The following PACSIN2 variants were observed in gnomAD, a reference collection of about 807,000 sequenced individuals.
PACSIN2 encodes protein kinase C and casein kinase substrate in neurons protein 2.
Under a neutral mutation model 63.8 loss-of-function variants are expected in PACSIN2, and 25 were observed. The observed-to-expected ratio is 0.39, with a 90% CI of 0.29 to 0.55. The LOEUF (loss-of-function observed/expected upper bound fraction) is 0.55, where lower values mean the gene tolerates loss of function less well. Ranked by LOEUF, PACSIN2 falls within the 20% of genes least tolerant of loss-of-function variation. The probability of loss-of-function intolerance (pLI) is 0.62; values close to 1 mark genes in which losing one functional copy is unlikely to be tolerated. For missense variants in PACSIN2, 518 were observed against 646.9 expected (o/e 0.80, Z 2.16); for synonymous variants, 255 against 256.2 (o/e 1.00, Z 0.05).
At chr22:42,927,226 T>C (rs1407199626) in intron 1 of PACSIN2, among the ~76,000 whole-genome samples, 1 of 151,746 alleles carries the variant, frequency 6.6e-6, no homozygotes, top group Non-Finnish European at 1.5e-5. Flanking sequence ...CATTTCTCCC[T>C]GTTGTCTGGG....
Position 42,901,241 on chromosome 22 carries a change from G to A in PACSIN2, c.61-7628C>T, listed in dbSNP as rs868402255. On this transcript the variant is annotated intron_variant, in intron 2 of 10. Transcript: ENST00000263246. Reference sequence around the variant, plus strand: ...CAGAAGAGCTCCTGGCGTACCCCTCGCCAGGCAAGCCCATGGAACCAGAGT... The same window carrying A: ...CAGAAGAGCTCCTGGCGTACCCCTCACCAGGCAAGCCCATGGAACCAGAGT... Among the ~76,000 whole-genome samples, 18 of 152,168 alleles carry A rather than the reference G, an allele frequency of 1.2e-4. No individual in the cohort carries two copies. The Middle Eastern group carries it at 0.014, about 115-fold the overall frequency.
At chr22:42,969,450 G>A (rs1400245283) in intron 1 of PACSIN2, among the ~76,000 whole-genome samples, 3 of 152,126 alleles carry the variant, frequency 2.0e-5, no homozygotes, top group Non-Finnish European at 4.4e-5. Flanking sequence ...ACTTAACACT[G>A]GTTTAGATGC....
intron 1 of PACSIN2, among the ~76,000 whole-genome samples, chr22:42,928,377 G>A (rs1261529115): frequency 1.3e-5 from 2 of 152,230 alleles, no homozygotes; most frequent in South Asian, 2.1e-4. Flanking sequence ...AAAAGAAGGT[G>A]TTCACATAAA....
chr22:42,910,406 C>T (rs1238389818), intron 2 of PACSIN2, among the ~76,000 whole-genome samples: 1 of 152,248 alleles, frequency 6.6e-6, no homozygotes, highest in Non-Finnish European at 1.5e-5. Context: ...CTCACAGCTG[C>T]TGCCAGCTCC....
chr22:43,014,373 C>G (rs1360915831), intron 1 of PACSIN2, among the ~76,000 whole-genome samples: 3 of 18,100 alleles, frequency 1.7e-4, no homozygotes, highest in African/African-American at 9.2e-4. Flanking sequence ...CACCACCCCC[C>G]CCCCCCCGGG....
chr22:43,011,141 G>A (rs1196766168), intron 1 of PACSIN2, among the ~76,000 whole-genome samples: 1 of 152,152 alleles, frequency 6.6e-6, no homozygotes, highest in African/African-American at 2.4e-5. Context: ...GGGCAGGGAC[G>A]AATGATACTT....
chr22:42,913,408 G>C (rs1245550326), intron 1 of PACSIN2, among the ~76,000 whole-genome samples: 2 of 151,544 alleles, frequency 1.3e-5, no homozygotes, highest in Admixed American at 6.6e-5. Flanking sequence ...GAACCTGGGA[G>C]GTGGAGGTTG....
chr22:42,909,863 A>G (rs940794942), intron 2 of PACSIN2, among the ~76,000 whole-genome samples: 4 of 152,174 alleles, frequency 2.6e-5, no homozygotes, highest in Non-Finnish European at 5.9e-5. Flanking sequence ...AATGAAGACA[A>G]TGTCGCCAAG....
chr22:42,987,889 C>A (rs1922747531), intron 1 of PACSIN2, among the ~76,000 whole-genome samples: 1 of 151,922 alleles, frequency 6.6e-6, no homozygotes, highest in African/African-American at 2.4e-5. Flanking sequence ...GTCTGTAATC[C>A]CAGCACTTTG....
intron 1 of PACSIN2, among the ~76,000 whole-genome samples, chr22:42,972,168 T>C (rs575645932): frequency 5.3e-5 from 8 of 152,344 alleles, no homozygotes; most frequent in African/African-American, 1.9e-4. Context: ...CTAGGAAAGA[T>C]TCTTCTGCCT....
intron 1 of PACSIN2, among the ~76,000 whole-genome samples, chr22:42,998,748 T>A (rs1470033743): frequency 2.0e-5 from 3 of 152,202 alleles, no homozygotes; most frequent in Non-Finnish European, 4.4e-5. Flanking sequence ...CAAGCATTCC[T>A]GTTTTCGCAC....
intron 1 of PACSIN2, among the ~76,000 whole-genome samples, chr22:42,917,528 T>C (rs1325501531): frequency 1.3e-5 from 2 of 151,970 alleles, no homozygotes; most frequent in African/African-American, 2.4e-5. Context: ...GGCGAGAGGA[T>C]TGCTTGAGCC....
In PACSIN2 at chr22:42,871,429, G is replaced by C. The variant is rs1398019633; in HGVS notation, c.1389C>G (p.Gly463=). The C allele has an allele frequency of 6.2e-7, 1 of 1,614,038 alleles. No homozygotes were observed. Among genetic ancestry groups the C allele is most frequent in the East Asian group, 2.2e-5 (1 of 44,892 alleles). ...LTKMEDEDEQ[G]WCKGRLDNGQ... ...CGTTGTCCAAGCGTCCCTTGCACCA[G>C]CCCTGCTCATCCTCGTCCTCCATCT... Residue 463 remains glycine (G), a synonymous_variant, in exon 11 of 11, where the codon GGC becomes GGG. Coordinates refer to ENST00000263246, the MANE Select transcript of PACSIN2 (RefSeq NM_001184970.3). This position sits in a 1 kb window ranked among gnomAD's most constrained non-coding sequence, Gnocchi z 5.4.
chr22:43,009,275 G>A (rs1924296522), intron 1 of PACSIN2, among the ~76,000 whole-genome samples: 1 of 152,188 alleles, frequency 6.6e-6, no homozygotes, highest in South Asian at 2.1e-4. Flanking sequence ...TCACAGGAAG[G>A]AATATCTATT....
chr22:42,909,618 C>T (rs1005385767), intron 2 of PACSIN2: 1 of 470,304 alleles, frequency 2.1e-6, no homozygotes, highest in African/African-American at 2.0e-5. Flanking sequence ...CCCGCCTGAG[C>T]ATTTTCAGGC....
chr22:42,939,782 A>G (rs1416387205), intron 1 of PACSIN2, among the ~76,000 whole-genome samples: 1 of 152,178 alleles, frequency 6.6e-6, no homozygotes, highest in African/African-American at 2.4e-5. Context: ...CTCCCTGGCC[A>G]GCCTAGTTCT....
chr22:42,872,111 T>C (rs529736174), intron 10 of PACSIN2, among the ~76,000 whole-genome samples: 39 of 152,366 alleles, frequency 2.6e-4, no homozygotes, highest in African/African-American at 8.4e-4. Flanking sequence ...CATTTATCTT[T>C]GGTTGTTCCA....
At chr22:42,972,063 G>GT (rs940297389) in intron 1 of PACSIN2, among the ~76,000 whole-genome samples, 15 of 145,556 alleles carry the variant, frequency 1.0e-4, no homozygotes, top group African/African-American at 3.6e-4. Context: ...TTTGTCCAAT[G>GT]GGGGGGGGAA....
At chr22:42,968,285 C>T (rs1921001514) in intron 1 of PACSIN2, among the ~76,000 whole-genome samples, 1 of 152,084 alleles carries the variant, frequency 6.6e-6, no homozygotes. Flanking sequence ...AGTCTGCCAC[C>T]TTTTTTTTCA....
Sources: allele counts gnomAD v4.1 joint callset (sites outside exome capture counted in the v4.1 genomes callset), GRCh38; gene constraint gnomAD v4.1.1; non-coding constraint Gnocchi (gnomAD v3.1); transcripts MANE v1.5; gene names NCBI Gene and HGNC (gene_info 2026-07-23, HGNC 2026-07-21).